The following XKR4 variants were observed in gnomAD, a reference collection of about 807,000 sequenced individuals.
XKR4 encodes XK-related protein 4.
In XKR4, 12 loss-of-function variants were observed where a neutral mutation model predicts 53.9. The observed-to-expected ratio is 0.22, with a 90% CI of 0.14 to 0.36. XKR4 has a LOEUF of 0.36. Ranked by LOEUF, XKR4 falls within the 10% of genes least tolerant of loss-of-function variation. The pLI is 1.00. For missense variants in XKR4, 799 were observed against 859.5 expected (o/e 0.93, Z 0.88); for synonymous variants, 354 against 362.4 (o/e 0.98, Z 0.26).
At chr8:55,510,738 T>C (rs1480736593) in intron 2 of XKR4, among the ~76,000 whole-genome samples, 1 of 152,208 alleles carries the variant, frequency 6.6e-6, no homozygotes, top group African/African-American at 2.4e-5. Flanking sequence ...GATGCTCTCA[T>C]AGTCTGTCTT....
intron 1 of XKR4, among the ~76,000 whole-genome samples, chr8:55,157,012 C>T (rs970889528): frequency 1.3e-5 from 2 of 152,194 alleles, no homozygotes; most frequent in African/African-American, 4.8e-5. Flanking sequence ...TGTACATAAT[C>T]ACTTTTCATT....
Position 55,428,526 on chromosome 8 carries a change from C to T in XKR4, c.1006+70649C>T, listed in dbSNP as rs117698097. On this transcript the variant is annotated intron_variant, in intron 2 of 2. Coordinates refer to ENST00000327381, the MANE Select transcript of XKR4 (RefSeq NM_052898.2). ...GCAAGGAGCTGACTTCCACCCTGGT[C>T]AGGCTATAACGAGTCATCCCAAACC... Among the ~76,000 whole-genome samples the T allele has an allele frequency of 3.1e-3, 465 of 152,334 alleles. 15 individuals carry two copies. In the East Asian group the frequency reaches 0.062, roughly 20 times the overall value.
intron 1 of XKR4, among the ~76,000 whole-genome samples, chr8:55,293,272 T>A (rs1005238219): frequency 6.6e-6 from 1 of 152,110 alleles, no homozygotes; most frequent in Non-Finnish European, 1.5e-5. Flanking sequence ...GAGGCAAAGG[T>A]TGCAGTGAGC....
At chr8:55,292,095 A>G (rs1219383520) in intron 1 of XKR4, among the ~76,000 whole-genome samples, 1 of 152,054 alleles carries the variant, frequency 6.6e-6, no homozygotes, top group East Asian at 1.9e-4. Flanking sequence ...TTTGTTAAAG[A>G]TTCTTTAGTC....
chr8:55,125,309 C>T (rs113199986), intron 1 of XKR4, among the ~76,000 whole-genome samples: 42,735 of 143,294 alleles, frequency 0.3, 6,770 homozygotes, highest in African/African-American at 0.45. Context: ...CAGCTCACCG[C>T]AAACTCCGCC....
In XKR4 at chr8:55,533,273, C is replaced by T. The variant is rs2129406881; in HGVS notation, c.*9046C>T. ...TGACCTGTGGTTTTCTGCTGAGCCCCTTGTGATTTTTTTTATTCTATTCAA... is the reference window on the plus strand; with the variant it reads ...TGACCTGTGGTTTTCTGCTGAGCCCTTTGTGATTTTTTTTATTCTATTCAA... On this transcript the variant is annotated 3_prime_UTR_variant, in exon 3 of 3. Transcript: ENST00000327381. The T allele has an allele frequency of 6.6e-6, 1 of 152,254 alleles. No homozygotes were observed. Among genetic ancestry groups the T allele is most frequent in the Admixed American group, 6.5e-5 (1 of 15,290 alleles). 9.4% of individuals were successfully genotyped at this position (152,254 alleles called of 1,614,324 possible).
At chr8:55,191,225 C>A (rs1817440576) in intron 1 of XKR4, among the ~76,000 whole-genome samples, 1 of 152,176 alleles carries the variant, frequency 6.6e-6, no homozygotes, top group East Asian at 1.9e-4. Flanking sequence ...GCCATCCAAA[C>A]CCTCCTGGCT....
Position 55,537,063 on chromosome 8 carries a change from T to G in XKR4, c.*12836T>G, listed in dbSNP as rs1304811555. On this transcript the variant is annotated 3_prime_UTR_variant, in exon 3 of 3. Coordinates refer to ENST00000327381, the MANE Select transcript of XKR4 (RefSeq NM_052898.2). ...TGACAAAATTATTTCATGGTGAATTTTATAAGGTTGATAGAAGTAAAAGCT... is the reference window on the plus strand; with the variant it reads ...TGACAAAATTATTTCATGGTGAATTGTATAAGGTTGATAGAAGTAAAAGCT... The G allele has an allele frequency of 2.0e-4, 31 of 152,222 alleles. 1 individual carries two copies. Among genetic ancestry groups the G allele is most frequent in the Admixed American group, 2.0e-3 (31 of 15,282 alleles). 9.4% of individuals were successfully genotyped at this position (152,222 alleles called of 1,614,324 possible).
intron 2 of XKR4, among the ~76,000 whole-genome samples, chr8:55,371,151 G>A (rs1404557106): frequency 1.3e-5 from 2 of 151,178 alleles, no homozygotes; most frequent in African/African-American, 4.9e-5. Flanking sequence ...ATCAGGGAGT[G>A]TAGAATCAGG....
intron 1 of XKR4, among the ~76,000 whole-genome samples, chr8:55,166,430 A>C: frequency 6.6e-6 from 1 of 152,244 alleles, no homozygotes; most frequent in East Asian, 1.9e-4. Context: ...ATATGTGTTA[A>C]GCACCTACTA....
At chr8:55,357,643 T>G (rs777599315) in intron 1 of XKR4, 35 bp from the exon 2 acceptor site, 24 of 1,607,514 alleles carry the variant, frequency 1.5e-5, no homozygotes, top group Non-Finnish European at 1.7e-6. Flanking sequence ...CTATCATCAC[T>G]CATCTCTTTC....
At chr8:55,296,950 T>A (rs539315370) in intron 1 of XKR4, among the ~76,000 whole-genome samples, 15 of 152,338 alleles carry the variant, frequency 9.8e-5, no homozygotes, top group African/African-American at 3.6e-4. Context: ...ATTTTTAATA[T>A]TTAGTTGTGT....
intron 2 of XKR4, among the ~76,000 whole-genome samples, chr8:55,405,625 T>C (rs2939690): frequency 0.15 from 22,512 of 152,184 alleles, 3,790 homozygotes; most frequent in African/African-American, 0.41. Context: ...GCAGATTCCA[T>C]TGATGGTAGC....
intron 1 of XKR4, among the ~76,000 whole-genome samples, chr8:55,149,601 G>A (rs1049108956): frequency 2.0e-5 from 3 of 152,192 alleles, no homozygotes; most frequent in Admixed American, 2.0e-4. Context: ...CAGGGTGATC[G>A]TTCTCAGAAT....
At chr8:55,112,380 T>A (rs1374631949) in intron 1 of XKR4, among the ~76,000 whole-genome samples, 10 of 152,014 alleles carry the variant, frequency 6.6e-5, no homozygotes, top group Admixed American at 5.2e-4. Flanking sequence ...GAAAAAGACT[T>A]GAGATGACTG....
chr8:55,484,710 G>A (rs1806167114), intron 2 of XKR4, among the ~76,000 whole-genome samples: 1 of 152,192 alleles, frequency 6.6e-6, no homozygotes. Context: ...ATTGAGTAAA[G>A]AAGGCTGTCC....
chr8:55,126,166 C>T (rs1265679175), intron 1 of XKR4, among the ~76,000 whole-genome samples: 1 of 152,180 alleles, frequency 6.6e-6, no homozygotes, highest in Admixed American at 6.5e-5. Context: ...AAAAAAGTTT[C>T]AGCCCTTTCA....
chr8:55,146,924 G>A (rs1231197830), intron 1 of XKR4, among the ~76,000 whole-genome samples: 1 of 152,214 alleles, frequency 6.6e-6, no homozygotes, highest in Non-Finnish European at 1.5e-5. Flanking sequence ...CCCTTCTGGA[G>A]AGATGCACAT....
chr8:55,185,858 C>A (rs1817370485), intron 1 of XKR4, among the ~76,000 whole-genome samples: 1 of 152,108 alleles, frequency 6.6e-6, no homozygotes, highest in South Asian at 2.1e-4. Flanking sequence ...CACTTTTGAT[C>A]ATTCTGGGGA....
Sources: allele counts gnomAD v4.1 joint callset (sites outside exome capture counted in the v4.1 genomes callset), GRCh38; gene constraint gnomAD v4.1.1; transcripts MANE v1.5; gene names NCBI Gene and HGNC (gene_info 2026-07-23, HGNC 2026-07-21).